DRC11: variants seen among roughly 807,000 people sequenced by gnomAD.
The protein encoded by DRC11 is dynein regulatory complex subunit 11, also known as IQ and AAA domain-containing protein 1.
chr2:236,460,627 C>CT, the DRC11 span, among the ~76,000 whole-genome samples: 1 of 152,118 alleles, frequency 6.6e-6, no homozygotes, highest in Non-Finnish European at 1.5e-5. The surrounding 1 kb of genome is among the most constrained non-coding windows in gnomAD (Gnocchi z 4.0). Flanking sequence ...ATTTTTTCTA[C>CT]TTTAAACAGT....
At chr2:236,331,668 T>C in the DRC11 span, 5 of 1,154,914 alleles carry the variant, frequency 4.3e-6, no homozygotes, top group East Asian at 2.5e-5. The surrounding 1 kb of genome is among the most constrained non-coding windows in gnomAD (Gnocchi z 4.8). Flanking sequence ...TCCCTCTCGG[T>C]TGAAAGTTGC....
chr2:236,357,580 AT>A, the DRC11 span, among the ~76,000 whole-genome samples: 1 of 126,982 alleles, frequency 7.9e-6, no homozygotes, highest in Non-Finnish European at 1.5e-5. Flanking sequence ...ATAGTTATAT[AT>A]TATAAATATG....
At chr2:236,374,280 G>T in the DRC11 span, among the ~76,000 whole-genome samples, 1 of 152,214 alleles carries the variant, frequency 6.6e-6, no homozygotes, top group African/African-American at 2.4e-5. Context: ...AAGATACACT[G>T]CCATCTTTCA....
At chr2:236,442,215 T>G in the DRC11 span, among the ~76,000 whole-genome samples, 4 of 152,216 alleles carry the variant, frequency 2.6e-5, no homozygotes, top group Non-Finnish European at 5.9e-5. Flanking sequence ...GGATAATAAA[T>G]ATATTTTCCA....
the DRC11 span, among the ~76,000 whole-genome samples, chr2:236,395,051 T>C: frequency 3.8e-4 from 58 of 152,318 alleles, no homozygotes; most frequent in Admixed American, 2.7e-3. Context: ...AAATTTTTCA[T>C]AGGACCAATG....
chr2:236,405,088 T>G, the DRC11 span, among the ~76,000 whole-genome samples: 1 of 152,202 alleles, frequency 6.6e-6, no homozygotes, highest in East Asian at 1.9e-4. This position sits in a 1 kb window ranked among gnomAD's most constrained non-coding sequence, Gnocchi z 4.6. Context: ...TAGCTTTCAA[T>G]GTATGAATTT....
the DRC11 span, among the ~76,000 whole-genome samples, chr2:236,308,700 G>C: frequency 1.3e-5 from 2 of 152,158 alleles, no homozygotes; most frequent in African/African-American, 4.8e-5. This position sits in a 1 kb window ranked among gnomAD's most constrained non-coding sequence, Gnocchi z 6.0. Context: ...GAGTTTTATG[G>C]TGGAATAGTA....
the DRC11 span, chr2:236,332,050 A>G: frequency 6.2e-6 from 1 of 162,280 alleles, no homozygotes; most frequent in Non-Finnish European, 1.4e-5. The surrounding 1 kb of genome is among the most constrained non-coding windows in gnomAD (Gnocchi z 5.1). Context: ...TACATCTGGA[A>G]TCAGAATGCA....
At chr2:236,457,183 C>T in the DRC11 span, among the ~76,000 whole-genome samples, 5 of 152,220 alleles carry the variant, frequency 3.3e-5, no homozygotes, top group Admixed American at 1.3e-4. The surrounding 1 kb of genome is among the most constrained non-coding windows in gnomAD (Gnocchi z 4.7). Context: ...CAAGTGTACC[C>T]ATGACTGCTT....
the DRC11 span, among the ~76,000 whole-genome samples, chr2:236,452,816 C>T: frequency 1.3e-5 from 2 of 152,158 alleles, no homozygotes; most frequent in African/African-American, 4.8e-5. The surrounding 1 kb of genome is among the most constrained non-coding windows in gnomAD (Gnocchi z 4.7). Context: ...GGCTTGAATC[C>T]TACAGGAACC....
chr2:236,483,361 A>G, the DRC11 span, among the ~76,000 whole-genome samples: 1 of 152,218 alleles, frequency 6.6e-6, no homozygotes, highest in African/African-American at 2.4e-5. This position sits in a 1 kb window ranked among gnomAD's most constrained non-coding sequence, Gnocchi z 4.8. Context: ...CTGGGTCCCA[A>G]GGGGTTCCAA....
At chr2:236,377,681 T>C in the DRC11 span, among the ~76,000 whole-genome samples, 645 of 152,330 alleles carry the variant, frequency 4.2e-3, no homozygotes, top group African/African-American at 0.015. This position sits in a 1 kb window ranked among gnomAD's most constrained non-coding sequence, Gnocchi z 4.9. Context: ...ATAATTCTTA[T>C]ATGGAAGATA....
the DRC11 span, among the ~76,000 whole-genome samples, chr2:236,491,633 A>G: frequency 0.033 from 4,983 of 152,094 alleles, 255 homozygotes; most frequent in East Asian, 0.2. Flanking sequence ...GCTTGGTGCA[A>G]AGGGATTCCT....
the DRC11 span, among the ~76,000 whole-genome samples, chr2:236,409,375 G>A: frequency 6.6e-6 from 1 of 152,098 alleles, no homozygotes; most frequent in Non-Finnish European, 1.5e-5. Flanking sequence ...AAGCAATTGT[G>A]AATGGGAGTT....
At chr2:236,426,802 CT>C in the DRC11 span, among the ~76,000 whole-genome samples, 1 of 152,174 alleles carries the variant, frequency 6.6e-6, no homozygotes, top group Non-Finnish European at 1.5e-5. The surrounding 1 kb of genome is among the most constrained non-coding windows in gnomAD (Gnocchi z 4.1). Flanking sequence ...CCTAATTGCT[CT>C]GGCTAGGACT....
At chr2:236,337,309 C>G in the DRC11 span, among the ~76,000 whole-genome samples, 2 of 152,260 alleles carry the variant, frequency 1.3e-5, no homozygotes, top group South Asian at 4.2e-4. This position sits in a 1 kb window ranked among gnomAD's most constrained non-coding sequence, Gnocchi z 4.9. Flanking sequence ...GAACGGCCGC[C>G]AGCACTCTCC....
At chr2:236,368,055 A>G in the DRC11 span, 1 of 688,766 alleles carries the variant, frequency 1.5e-6, no homozygotes, top group Non-Finnish European at 2.7e-6. Context: ...TCAAAATGAA[A>G]CTGTGCCCAC....
At chr2:236,404,591 C>T in the DRC11 span, among the ~76,000 whole-genome samples, 1 of 152,232 alleles carries the variant, frequency 6.6e-6, no homozygotes, top group Non-Finnish European at 1.5e-5. Context: ...CGGCCGGTAA[C>T]CTCCTTGGCC....
At chr2:236,330,607 G>C in the DRC11 span, among the ~76,000 whole-genome samples, 2 of 152,196 alleles carry the variant, frequency 1.3e-5, no homozygotes, top group African/African-American at 4.8e-5. This position sits in a 1 kb window ranked among gnomAD's most constrained non-coding sequence, Gnocchi z 5.5. Flanking sequence ...CCAGAGATAG[G>C]CTTGGATGGG....
Sources: gnomAD v4.1 joint callset for allele counts (sites outside exome capture counted in the v4.1 genomes callset) on GRCh38, gnomAD v4.1.1 for gene constraint, Gnocchi (gnomAD v3.1) non-coding constraint, MANE v1.5 for transcripts, NCBI Gene and HGNC (gene_info 2026-07-23, HGNC 2026-07-21) for gene names.